The following AVEN variants were observed in gnomAD, a reference collection of about 807,000 sequenced individuals.
The protein encoded by AVEN is cell death regulator Aven.
A neutral mutation model predicts 38.1 loss-of-function variants in AVEN; 41 were observed. The ratio of observed to expected loss-of-function variants is 1.08; its 90% confidence interval spans 0.84 to 1.40. The LOEUF (loss-of-function observed/expected upper bound fraction) is 1.40. Among genes scored for constraint, AVEN ranks in the 40% most tolerant of loss-of-function variants. The pLI, the probability that AVEN is intolerant of heterozygous loss-of-function variation, is 0.00. For synonymous variants in AVEN, 206 were observed against 171.8 expected (o/e 1.20, Z -1.56); for missense variants, 605 against 438.8 (o/e 1.38, Z -3.38).
intron 2 of AVEN, among the ~76,000 whole-genome samples, chr15:33,878,313 T>C (rs1189826449): frequency 6.6e-6 from 1 of 152,158 alleles, no homozygotes; most frequent in Non-Finnish European, 1.5e-5. Flanking sequence ...GGATAGCCAC[T>C]GGTGAAAAAC....
intron 2 of AVEN, among the ~76,000 whole-genome samples, chr15:33,973,081 GAA>G (rs1895709102): frequency 6.6e-6 from 1 of 152,098 alleles, no homozygotes; most frequent in Non-Finnish European, 1.5e-5. Flanking sequence ...TTTTTGTATT[GAA>G]ATTATTAGTG....
intron 2 of AVEN, among the ~76,000 whole-genome samples, chr15:33,884,172 T>C (rs946202328): frequency 6.6e-6 from 1 of 152,154 alleles, no homozygotes; most frequent in Non-Finnish European, 1.5e-5. Flanking sequence ...CAATAATAAA[T>C]TATTAAGTAG....
chr15:33,871,836 C>A (rs1009056942), intron 3 of AVEN, among the ~76,000 whole-genome samples: 1 of 150,650 alleles, frequency 6.6e-6, no homozygotes, highest in African/African-American at 2.4e-5. Flanking sequence ...CAGTTTGCCC[C>A]ATAAAGGGCT....
Position 34,060,697 on chromosome 15 carries a change from G to A in AVEN, n.1637+2225C>T, listed in dbSNP as rs549747484. Among the ~76,000 whole-genome samples the A allele has an allele frequency of 3.3e-5, 5 of 152,312 alleles. No individual in the cohort carries two copies. In the South Asian group the frequency reaches 1.0e-3, roughly 32 times the overall value. On this transcript the variant is annotated intron_variant and non_coding_transcript_variant, in intron 5 of 11. Transcript: ENST00000675287. Reference sequence around the variant, plus strand: ...TCGAGACCAGTCTGGCCAACATGGCGAAACCTCATCTCTACTAAAAAGTAC... The same window carrying A: ...TCGAGACCAGTCTGGCCAACATGGCAAAACCTCATCTCTACTAAAAAGTAC...
intron 2 of AVEN, among the ~76,000 whole-genome samples, chr15:33,892,816 T>C (rs1006427879): frequency 6.6e-5 from 10 of 152,056 alleles, no homozygotes; most frequent in African/African-American, 2.4e-4. Flanking sequence ...CCTTGGGCAG[T>C]ATGGCCATTT....
At chr15:33,913,522 A>G (rs944919169) in intron 2 of AVEN, among the ~76,000 whole-genome samples, 3 of 152,214 alleles carry the variant, frequency 2.0e-5, no homozygotes, top group Non-Finnish European at 2.9e-5. Context: ...ATTACCTTGC[A>G]GTATTTCCTA....
At chr15:33,853,751 A>C in the AVEN span, 1 of 1,556,376 alleles carries the variant, frequency 6.4e-7, no homozygotes, top group Non-Finnish European at 8.7e-7. Flanking sequence ...TCCATAGGAA[A>C]AAATCACAAC....
At chr15:34,011,830 G>A (rs908258607) in intron 1 of AVEN, among the ~76,000 whole-genome samples, 1 of 152,184 alleles carries the variant, frequency 6.6e-6, no homozygotes, top group African/African-American at 2.4e-5. Flanking sequence ...CCACACCAGG[G>A]ACAGACTATG....
In AVEN at chr15:34,063,241, AG is replaced by A; in HGVS notation, n.1317del. ...CTCTGCTGGCAGTACTTGGTTGGGA[AG>A]CGGACAGTTCCACTGGATGAGTGCC... On this transcript the variant is annotated non_coding_transcript_exon_variant, in exon 5 of 12. Coordinates refer to the AVEN transcript ENST00000675287. This position sits in a 1 kb window ranked among gnomAD's most constrained non-coding sequence, Gnocchi z 4.1. 1 of 1,614,198 alleles carries A rather than the reference AG, an allele frequency of 6.2e-7. No homozygotes were observed. Among genetic ancestry groups the A allele is most frequent in the African/African-American group, 1.3e-5 (1 of 75,042 alleles).
At chr15:33,945,547 T>C (rs562677143) in intron 2 of AVEN, among the ~76,000 whole-genome samples, 39 of 152,264 alleles carry the variant, frequency 2.6e-4, no homozygotes, top group African/African-American at 8.7e-4. Flanking sequence ...GAGCTCTTCA[T>C]GATTTTGTGG....
At chr15:33,882,836 G>T (rs927307792) in intron 2 of AVEN, among the ~76,000 whole-genome samples, 20 of 152,132 alleles carry the variant, frequency 1.3e-4, no homozygotes, top group African/African-American at 4.3e-4. Context: ...TCATGCCACT[G>T]CACTCCAGCC....
chr15:34,073,460 A>T (rs1361215889), intron 1 of AVEN, among the ~76,000 whole-genome samples: 2 of 120 alleles, frequency 0.017, no homozygotes, highest in South Asian at 0.5. Context: ...TTCAAAAACA[A>T]AAAAATCATA....
At position 34,062,407 on chromosome 15, in the gene AVEN, T is replaced by C. The variant is rs182709720; in HGVS notation, n.1637+515A>G. ...CGTCTCTACTAAAAATACAAAAAAA[T>C]AGCTGGGCGTGGTGGTGGGAGCCTG... is the stretch of plus-strand genomic sequence containing the variant. On this transcript the variant is annotated intron_variant and non_coding_transcript_variant, in intron 5 of 11. Coordinates refer to the AVEN transcript ENST00000675287. Among the ~76,000 whole-genome samples the C allele has an allele frequency of 2.0e-5, 3 of 151,770 alleles. No individual in the cohort carries two copies. In the East Asian group the frequency reaches 5.8e-4, roughly 29 times the overall value.
chr15:33,952,705 T>C (rs1053033390), intron 2 of AVEN, among the ~76,000 whole-genome samples: 7 of 152,136 alleles, frequency 4.6e-5, no homozygotes, highest in Admixed American at 4.6e-4. Context: ...GAACTGAAAC[T>C]ATCCAACTGA....
chr15:33,896,551 T>C (rs915927708), intron 2 of AVEN, among the ~76,000 whole-genome samples: 9 of 152,186 alleles, frequency 5.9e-5, no homozygotes, highest in Non-Finnish European at 8.8e-5. Context: ...GAGTCCTCAT[T>C]TGATGTGTTT....
At chr15:34,032,703 C>T (rs917088133) in intron 1 of AVEN, among the ~76,000 whole-genome samples, 5 of 152,176 alleles carry the variant, frequency 3.3e-5, no homozygotes, top group African/African-American at 1.2e-4. Flanking sequence ...TCAAGATCCA[C>T]GGTCTTTCCC....
intron 2 of AVEN, among the ~76,000 whole-genome samples, chr15:33,997,599 C>G (rs1896988149): frequency 1.3e-5 from 2 of 152,172 alleles, no homozygotes; most frequent in African/African-American, 4.8e-5. Context: ...CTCTCCAACT[C>G]ACACTTTCTC....
chr15:34,013,126 A>G (rs1482065943), intron 1 of AVEN, among the ~76,000 whole-genome samples: 2 of 152,082 alleles, frequency 1.3e-5, no homozygotes, highest in African/African-American at 4.8e-5. Context: ...CAATGGCGCA[A>G]TCTTGGCTCA....
chr15:33,894,462 A>C (rs925019897), intron 2 of AVEN, among the ~76,000 whole-genome samples: 9 of 150,442 alleles, frequency 6.0e-5, no homozygotes, highest in East Asian at 4.0e-4. Flanking sequence ...TGTAACTAAA[A>C]GTTTAATAAA....
Sources: allele counts gnomAD v4.1 joint callset (sites outside exome capture counted in the v4.1 genomes callset), GRCh38; gene constraint gnomAD v4.1.1; non-coding constraint Gnocchi (gnomAD v3.1); transcripts MANE v1.5; gene names NCBI Gene and HGNC (gene_info 2026-07-23, HGNC 2026-07-21).